GPC5: variants seen among roughly 807,000 people sequenced by gnomAD.
GPC5 encodes the protein glypican 5.
In GPC5, 47 loss-of-function variants were observed where a neutral mutation model predicts 53.9. That is an observed-to-expected ratio of 0.87 (90% CI 0.69 to 1.11). The LOEUF (loss-of-function observed/expected upper bound fraction) is 1.11, where lower values mean the gene tolerates loss of function less well. GPC5 is among the 50% of genes most tolerant of loss of function. The pLI, the probability that GPC5 is intolerant of heterozygous loss-of-function variation, is 0.00. For synonymous variants in GPC5, 286 were observed against 263.3 expected (o/e 1.09, Z -0.84); for missense variants, 748 against 713.1 (o/e 1.05, Z -0.56).
At chr13:92,002,410 G>A (rs1473610358) in intron 6 of GPC5, among the ~76,000 whole-genome samples, 2 of 152,116 alleles carry the variant, frequency 1.3e-5, no homozygotes, top group Non-Finnish European at 2.9e-5. Context: ...CCAAAACTGA[G>A]ACAAGAACAC....
At chr13:92,004,089 T>C (rs2040581449) in intron 6 of GPC5, among the ~76,000 whole-genome samples, 1 of 152,174 alleles carries the variant, frequency 6.6e-6, no homozygotes, top group South Asian at 2.1e-4. Flanking sequence ...CTCAAGATTT[T>C]GTTACTGTAA....
At chr13:92,808,293 T>C (rs1877175250) in intron 7 of GPC5, among the ~76,000 whole-genome samples, 1 of 152,138 alleles carries the variant, frequency 6.6e-6, no homozygotes. Flanking sequence ...CACAAGTGTA[T>C]GCGTATGCAC....
At chr13:92,521,693 A>T (rs910165446) in intron 7 of GPC5, among the ~76,000 whole-genome samples, 26 of 152,246 alleles carry the variant, frequency 1.7e-4, no homozygotes, top group African/African-American at 6.0e-4. Context: ...AACCTAGGCA[A>T]TACCATTCAG....
At position 91,575,286 on chromosome 13, in the gene GPC5, T is replaced by C. The variant is rs144475094; in HGVS notation, c.326-117901T>C. Among the ~76,000 whole-genome samples the C allele has an allele frequency of 8.7e-3, 1,329 of 152,272 alleles. 16 individuals are homozygous for C. Among genetic ancestry groups the C allele is most frequent in the African/African-American group, 0.031 (1,280 of 41,566 alleles). ...CAAAGTCTTAAATTATAGTATAAAA[T>C]GGTCAAGTTTTAAAGAAAATTGCAT... On this transcript the variant is annotated intron_variant, in intron 2 of 7. Transcript: ENST00000377067.
intron 7 of GPC5, among the ~76,000 whole-genome samples, chr13:92,854,277 C>CTA (rs71686718): frequency 1.6e-4 from 23 of 140,398 alleles, no homozygotes; most frequent in South Asian, 6.5e-4. Flanking sequence ...TATAGATATC[C>CTA]TATATATATA....
intron 6 of GPC5, among the ~76,000 whole-genome samples, chr13:91,974,647 A>G (rs1373313074): frequency 6.6e-6 from 1 of 152,212 alleles, no homozygotes; most frequent in Non-Finnish European, 1.5e-5. Context: ...AGAACATTGC[A>G]TGCTCATGGG....
chr13:92,133,376 C>A (rs1324376100), intron 6 of GPC5, among the ~76,000 whole-genome samples: 1 of 152,058 alleles, frequency 6.6e-6, no homozygotes, highest in African/African-American at 2.4e-5. Context: ...TGGAAGGAAA[C>A]CTTTAATAGA....
intron 6 of GPC5, among the ~76,000 whole-genome samples, chr13:92,114,734 G>A (rs1449735400): frequency 6.6e-6 from 1 of 152,116 alleles, no homozygotes; most frequent in Admixed American, 6.6e-5. Context: ...TATAAAGATA[G>A]CCTTCCATAA....
rs1358629819 is a variant in GPC5 at position 92,366,647 on chromosome 13, A to G, written c.1561+221658A>G. 4.0e-5 allele frequency among the ~76,000 whole-genome samples: 6 copies of G among 148,150 alleles called. 1 individual carries two copies. The highest frequency in any genetic ancestry group is 1.1e-4 in the African/African-American group (4 of 37,584). On this transcript the variant is annotated intron_variant, in intron 7 of 7. Transcript: ENST00000377067. ...TCAGATTTGGGTGCTATCGTGGCTA[A>G]GGCCACGAGCATTTACAGCTACGGC...
intron 7 of GPC5, among the ~76,000 whole-genome samples, chr13:92,239,384 A>T (rs1297695864): frequency 6.6e-6 from 1 of 152,004 alleles, no homozygotes; most frequent in Non-Finnish European, 1.5e-5. Flanking sequence ...ATAAAACAAC[A>T]TTACTTATTG....
chr13:92,813,276 A>T (rs1385549664), intron 7 of GPC5, among the ~76,000 whole-genome samples: 1 of 151,940 alleles, frequency 6.6e-6, no homozygotes, highest in Non-Finnish European at 1.5e-5. Flanking sequence ...CATTTTAAGT[A>T]AGGCCACTGC....
At chr13:91,403,246 C>T (rs1877081645) in intron 1 of GPC5, among the ~76,000 whole-genome samples, 1 of 152,200 alleles carries the variant, frequency 6.6e-6, no homozygotes, top group Non-Finnish European at 1.5e-5. Flanking sequence ...CCAGGAACCA[C>T]TGGAAACAAG....
At chr13:92,559,040 G>A in intron 7 of GPC5, among the ~76,000 whole-genome samples, 1 of 151,848 alleles carries the variant, frequency 6.6e-6, no homozygotes, top group Non-Finnish European at 1.5e-5. Flanking sequence ...AAAAGACTAG[G>A]ACCTCCTCTT....
At chr13:91,583,031 T>C (rs144233934) in intron 2 of GPC5, among the ~76,000 whole-genome samples, 321 of 152,070 alleles carry the variant, frequency 2.1e-3, no homozygotes, top group African/African-American at 7.2e-3. Context: ...ATAAATCTAT[T>C]TATAGTAAAA....
intron 7 of GPC5, among the ~76,000 whole-genome samples, chr13:92,502,103 T>A (rs993680585): frequency 3.9e-5 from 6 of 152,098 alleles, no homozygotes; most frequent in African/African-American, 1.4e-4. Flanking sequence ...GAGATTTATA[T>A]GCTCTGGTTA....
chr13:91,506,030 G>T (rs1884921710), intron 2 of GPC5, among the ~76,000 whole-genome samples: 1 of 152,050 alleles, frequency 6.6e-6, no homozygotes, highest in South Asian at 2.1e-4. Flanking sequence ...ATGTGATACG[G>T]GTTTGCACAG....
At chr13:91,846,641 A>T (rs1363825236) in intron 5 of GPC5, among the ~76,000 whole-genome samples, 1 of 151,988 alleles carries the variant, frequency 6.6e-6, no homozygotes, top group Non-Finnish European at 1.5e-5. Context: ...GACAAAAAGG[A>T]AGGAGGAACT....
chr13:92,543,462 G>C (rs922769068), intron 7 of GPC5, among the ~76,000 whole-genome samples: 1 of 151,976 alleles, frequency 6.6e-6, no homozygotes, highest in African/African-American at 2.4e-5. Flanking sequence ...TAGGGGAAGT[G>C]TGACTGCTCT....
In GPC5 at chr13:92,238,667, G is replaced by A. The variant is rs150934332; in HGVS notation, c.1561+93678G>A. 5.0e-3 allele frequency among the ~76,000 whole-genome samples: 751 copies of A among 151,374 alleles called. 10 individuals are homozygous for A. The highest frequency in any genetic ancestry group is 0.017 in the African/African-American group (692 of 41,292). ...TCTCTGGGTTAACTTACACAAGTCC[G>A]TTATTAGACATATAATTTCCAAATA... On this transcript the variant is annotated intron_variant, in intron 7 of 7. Transcript: ENST00000377067.
Sources: gnomAD v4.1 joint callset for allele counts (sites outside exome capture counted in the v4.1 genomes callset) on GRCh38, gnomAD v4.1.1 for gene constraint, MANE v1.5 for transcripts, NCBI Gene and HGNC (gene_info 2026-07-23, HGNC 2026-07-21) for gene names.